The following INTS1 variants were observed in gnomAD, a reference collection of about 807,000 sequenced individuals.
The protein encoded by INTS1 is integrator complex subunit 1.
In INTS1, 137 loss-of-function variants were observed where a neutral mutation model predicts 241.6. The observed-to-expected ratio is 0.57, with a 90% CI of 0.49 to 0.65. The LOEUF is 0.65. Among genes scored for constraint, INTS1 ranks in the 30% least tolerant of loss-of-function variants. The probability of loss-of-function intolerance (pLI) is 0.00; values close to 1 mark genes in which losing one functional copy is unlikely to be tolerated. For synonymous variants in INTS1, 1,692 were observed against 1,337.8 expected (o/e 1.26, Z -5.78); for missense variants, 3,073 against 3,032.2 (o/e 1.01, Z -0.32).
chr7:1,471,246 G>C (rs1488199387), intron 45 of INTS1, 22 bp from the exon 46 acceptor site: 9 of 1,559,840 alleles, frequency 5.8e-6, no homozygotes, highest in South Asian at 1.2e-5. Context: ...AAAGGTGGGA[G>C]GTGTGTGACC....
rs749953288 is a variant in INTS1, at chr7:1,499,580, C to G, written c.737G>C (p.Cys246Ser). The G allele has an allele frequency of 3.7e-6, 6 of 1,613,472 alleles. No homozygotes were observed. In the East Asian group the frequency reaches 1.3e-4, roughly 36 times the overall value. The change falls in exon 6 of 48, where the codon TGT becomes TCT. Residue 246 changes from cysteine to serine, a missense_variant. By Grantham distance (112) the Cys-to-Ser change is moderately radical. Transcript: ENST00000404767. ...GERIWVDSPH[C>S]KTFVDNIQTA... ...CTGGATGTTGTCCACAAACGTCTTA[C>G]AGTGAGGGCTGTCCACCCAGATCCG...
chr7:1,498,650 C>G (rs1370614866), intron 9 of INTS1, 57 bp downstream of exon 9: 1 of 1,531,636 alleles, frequency 6.5e-7, no homozygotes, highest in Non-Finnish European at 8.8e-7. Flanking sequence ...CCGCCCACAC[C>G]CCCACCCACA....
Position 1,498,541 on chromosome 7 carries a change from G to C in INTS1, c.1296C>G (p.Ser432Arg). ...TGGTGCCCAGGTTGTCCTTGTGCGC[G>C]CTCAGCAGCTCCCTGGGTGAGGTGA... ...HFMLCIRELL[S>R]AHKDNLGTTI... The change falls in exon 10 of 48, where the codon AGC becomes AGG. Residue 432 changes from serine to arginine, a missense_variant. Transcript: ENST00000404767. The C allele has an allele frequency of 1.9e-6, 3 of 1,613,688 alleles. No individual in the cohort carries two copies. The highest frequency in any genetic ancestry group is 2.5e-6 in the Non-Finnish European group (3 of 1,179,824).
intron 22 of INTS1, among the ~76,000 whole-genome samples, chr7:1,486,181 C>T (rs990709211): frequency 2.0e-5 from 3 of 152,064 alleles, no homozygotes; most frequent in African/African-American, 7.3e-5. Context: ...AGTGATGCTC[C>T]CACCTCGGCC....
intron 11 of INTS1, among the ~76,000 whole-genome samples, chr7:1,496,802 A>T (rs1782884936): frequency 6.6e-6 from 1 of 152,148 alleles, no homozygotes; most frequent in Admixed American, 6.5e-5. Flanking sequence ...CTCCCTCCAC[A>T]GCCCTCGAAA....
Position 1,481,493 on chromosome 7 carries a change from G to A in INTS1, c.3704-5C>T. 6.2e-7 allele frequency: 1 copy of A among 1,604,726 alleles called. No homozygotes were observed. Among genetic ancestry groups the A allele is most frequent in the Non-Finnish European group, 8.5e-7 (1 of 1,175,714 alleles). On this transcript the variant is annotated splice_polypyrimidine_tract_variant and splice_region_variant and intron_variant, in intron 27 of 47. Transcript: ENST00000404767. The surrounding 1 kb of genome is among the most constrained non-coding windows in gnomAD (Gnocchi z 6.8). ...GCGGCTCCAGGTCCTGCAGGGCTGA[G>A]GGTGCACGCGCTCCGTAACGCCACC...
At chr7:1,480,505 T>A in intron 29 of INTS1, 64 bp from the exon 30 acceptor site, 2 of 1,546,440 alleles carry the variant, frequency 1.3e-6, no homozygotes, top group Non-Finnish European at 1.8e-6. Flanking sequence ...CGGTGGGAAC[T>A]GTACAAGCCA....
At chr7:1,488,010 C>A in intron 18 of INTS1, 53 bp from the exon 19 acceptor site, 1 of 1,557,124 alleles carries the variant, frequency 6.4e-7, no homozygotes, top group Middle Eastern at 1.7e-4. Flanking sequence ...GGGCTCACTC[C>A]CAGTGGGCCA....
chr7:1,499,398 A>ACC, intron 6 of INTS1, 38 bp from the exon 7 acceptor site: 1 of 564,012 alleles, frequency 1.8e-6, no homozygotes, highest in Non-Finnish European at 2.6e-6. Context: ...AGCGCCTCCC[A>ACC]CCCGCCCATC....
At chr7:1,479,073 G>T (rs966690941) in intron 31 of INTS1, among the ~76,000 whole-genome samples, 188 bp from the exon 32 acceptor site, 1 of 152,198 alleles carries the variant, frequency 6.6e-6, no homozygotes, top group African/African-American at 2.4e-5. Flanking sequence ...CGACCTCACA[G>T]AGACCCTTTC....
At chr7:1,501,772 G>A (rs146226556) in intron 3 of INTS1, among the ~76,000 whole-genome samples, 23 of 152,184 alleles carry the variant, frequency 1.5e-4, no homozygotes, top group African/African-American at 5.3e-4. Flanking sequence ...TGCCATCCTG[G>A]GCCGTTTGCC....
chr7:1,497,010 C>G lies in INTS1; in HGVS notation c.1602+128G>C. On this transcript the variant is annotated intron_variant, in intron 11 of 47. Transcript: ENST00000404767. This position sits in a 1 kb window ranked among gnomAD's most constrained non-coding sequence, Gnocchi z 5.3. Reference sequence around the variant, plus strand: ...ACGCGTCACCGCAAACAGCCTCACTCATCCCCGTACCCACGCTCAGCCAGA... The same window carrying G: ...ACGCGTCACCGCAAACAGCCTCACTGATCCCCGTACCCACGCTCAGCCAGA... 1 of 954,210 alleles carries G rather than the reference C, an allele frequency of 1.0e-6. No homozygotes were observed. Among genetic ancestry groups the G allele is most frequent in the Non-Finnish European group, 1.5e-6 (1 of 660,248 alleles). The allele number at this position is 954,210 out of a possible 1,614,324, so 59.1% of individuals were successfully genotyped here.
chr7:1,472,968 T>C (rs1203007280), intron 43 of INTS1, 104 bp downstream of exon 43: 2 of 693,946 alleles, frequency 2.9e-6, no homozygotes, highest in African/African-American at 3.6e-5. Flanking sequence ...ACAGCCCCCA[T>C]CGGGACGCCT....
At chr7:1,486,125 A>G (rs10277028) in intron 22 of INTS1, among the ~76,000 whole-genome samples, 81,132 of 150,990 alleles carry the variant, frequency 0.54, 23,508 homozygotes, top group African/African-American at 0.77. Context: ...TTGTAGAGAG[A>G]GGATCTTCCT....
At chr7:1,477,098 G>A (rs997776015) in intron 35 of INTS1, among the ~76,000 whole-genome samples, 180 bp from the exon 36 acceptor site, 2 of 152,184 alleles carry the variant, frequency 1.3e-5, no homozygotes, top group African/African-American at 2.4e-5. Context: ...GCATCTCCCC[G>A]CCCCTTCCCA....
At chr7:1,477,084 C>T (rs1375918276) in intron 35 of INTS1, among the ~76,000 whole-genome samples, 166 bp from the exon 36 acceptor site, 3 of 152,288 alleles carry the variant, frequency 2.0e-5, no homozygotes, top group South Asian at 2.1e-4. Flanking sequence ...CTGGTGGCTG[C>T]GCTGCATCTC....
chr7:1,499,529 G>A lies in INTS1; in HGVS notation c.788C>T (p.Pro263Leu). ...IQTAFNTRMP[P>L]RSVLLQGEAG... Reference sequence around the variant, plus strand: ...CTCCCCCTGCAGCAGCACGCTCCTGGGGGGCATTCTGGTGTTGAAGGCCGT... The same window carrying A: ...CTCCCCCTGCAGCAGCACGCTCCTGAGGGGCATTCTGGTGTTGAAGGCCGT... The change falls in exon 6 of 48, where the codon CCC (proline) becomes CTC (leucine). Residue 263 changes from proline to leucine, a missense_variant. Pro to Leu is a moderately conservative substitution (Grantham distance 98). Coordinates refer to ENST00000404767, the MANE Select transcript of INTS1 (RefSeq NM_001080453.3). 4.3e-6 allele frequency: 7 copies of A among 1,612,876 alleles called. No individual in the cohort carries two copies. The highest frequency in any genetic ancestry group is 5.9e-6 in the Non-Finnish European group (7 of 1,179,512).
At position 1,499,357 on chromosome 7, in the gene INTS1, C is replaced by T. The variant is rs1412505219; in HGVS notation, c.848G>A (p.Ser283Asn). 2.5e-6 allele frequency: 4 copies of T among 1,578,174 alleles called. No individual in the cohort carries two copies. Among genetic ancestry groups the T allele is most frequent in the East Asian group, 2.3e-5 (1 of 44,428 alleles). The change falls in exon 7 of 48, where the codon AGC becomes AAC. Residue 283 changes from serine to asparagine, a missense_variant. Coordinates refer to ENST00000404767, the MANE Select transcript of INTS1 (RefSeq NM_001080453.3). Reference sequence around the variant, plus strand: ...CTCCGTGAGGGAGGGGTGTGGGCTGCTCCCTGCAAACCAAGGAGAGGGCTC... The same window carrying T: ...CTCCGTGAGGGAGGGGTGTGGGCTGTTCCCTGCAAACCAAGGAGAGGGCTC... ...GRVAGDLGAG[S>N]SPHPSLTEEE...
At chr7:1,496,957 C>T (rs974621946) in intron 11 of INTS1, among the ~76,000 whole-genome samples, 181 bp downstream of exon 11, 1 of 152,198 alleles carries the variant, frequency 6.6e-6, no homozygotes, top group African/African-American at 2.4e-5. Flanking sequence ...GGTCCTCACA[C>T]AGGACAGAGC....
Sources: allele counts gnomAD v4.1 joint callset (sites outside exome capture counted in the v4.1 genomes callset), GRCh38; gene constraint gnomAD v4.1.1; non-coding constraint Gnocchi (gnomAD v3.1); transcripts MANE v1.5; gene names NCBI Gene and HGNC (gene_info 2026-07-23, HGNC 2026-07-21).